The following ANAPC15 variants were observed in gnomAD, a reference collection of about 807,000 sequenced individuals.
ANAPC15 encodes the protein anaphase-promoting complex subunit 15.
A neutral mutation model predicts 19.8 loss-of-function variants in ANAPC15; 13 were observed. The observed-to-expected ratio is 0.66, with a 90% CI of 0.43 to 1.04. The LOEUF (loss-of-function observed/expected upper bound fraction) is 1.04, where lower values mean the gene tolerates loss of function less well. Ranked by LOEUF, ANAPC15 falls within the 50% of genes least tolerant of loss-of-function variation. The pLI, the probability that ANAPC15 is intolerant of heterozygous loss-of-function variation, is 0.00. For synonymous variants in ANAPC15, 45 were observed against 50.7 expected (o/e 0.89, Z 0.47); for missense variants, 88 against 150.3 (o/e 0.59, Z 2.17).
chr11:72,109,774 C>A lies in ANAPC15; in HGVS notation c.*107G>T. On this transcript the variant is annotated 3_prime_UTR_variant, in exon 6 of 6. Coordinates refer to ENST00000227618, the MANE Select transcript of ANAPC15 (RefSeq NM_014042.3). The stretch of plus-strand genomic sequence containing the variant: ...CTGAGGAGGTGCCCAAGGGCACTTT[C>A]AGGCACTGGGGCCATCAGCTGGTTC... 1 of 1,429,444 alleles carries A rather than the reference C, an allele frequency of 7.0e-7. No individual in the cohort carries two copies. Among genetic ancestry groups the A allele is most frequent in the Non-Finnish European group, 9.8e-7 (1 of 1,016,574 alleles). The allele number at this position is 1,429,444 out of a possible 1,614,324, so 88.5% of individuals were successfully genotyped here.
chr11:72,107,940 C>A, downstream of ANAPC15: 1 of 1,551,720 alleles, frequency 6.4e-7, no homozygotes, highest in Non-Finnish European at 8.7e-7. Context: ...CCTGATGCGG[C>A]TGGTGGAGGA....
At position 72,111,293 on chromosome 11, in the gene ANAPC15, GA is replaced by G; in HGVS notation, c.-10-8del. 6.3e-7 allele frequency: 1 copy of G among 1,583,532 alleles called. No homozygotes were observed. Among genetic ancestry groups the G allele is most frequent in the Non-Finnish European group, 8.7e-7 (1 of 1,153,496 alleles). On this transcript the variant is annotated splice_polypyrimidine_tract_variant and splice_region_variant and intron_variant, in intron 2 of 5. Coordinates refer to ENST00000227618, the MANE Select transcript of ANAPC15 (RefSeq NM_014042.3). ...AGTGGACATGGCTCCTAGACTGAGG[GA>G]AAGGGTCAAGTGAATGTGTTTTGCT...
chr11:72,109,864 C>T lies in ANAPC15; in HGVS notation c.*17G>A. 1 of 1,613,078 alleles carries T rather than the reference C, an allele frequency of 6.2e-7. No homozygotes were observed. The highest frequency in any genetic ancestry group is 8.5e-7 in the Non-Finnish European group (1 of 1,180,002). On this transcript the variant is annotated 3_prime_UTR_variant, in exon 6 of 6. Coordinates refer to ENST00000227618, the MANE Select transcript of ANAPC15 (RefSeq NM_014042.3). The stretch of plus-strand genomic sequence containing the variant: ...GGCTGGCCTGGAATCTCCCTGAGGC[C>T]ACCCTGCCTTGTCTACCTAGATCAT...
At chr11:72,108,844 C>A (rs747210285), downstream of ANAPC15, 14 of 1,550,548 alleles carry the variant, frequency 9.0e-6, no homozygotes, top group Admixed American at 7.8e-5. Flanking sequence ...GCTACCGCTG[C>A]CGCCTCCACC....
Position 72,111,415 on chromosome 11 carries a change from GC to G in ANAPC15, c.-15del. The stretch of plus-strand genomic sequence containing the variant: ...TCCCCCTAGGAATCAGACAGACCTG[GC>G]TTTGAGTCCTGGCTCCACCACTTAC... On this transcript the variant is annotated 5_prime_UTR_variant, in exon 2 of 6. Transcript: ENST00000227618. 1 of 704,466 alleles carries G rather than the reference GC, an allele frequency of 1.4e-6. No individual in the cohort carries two copies. The highest frequency in any genetic ancestry group is 2.5e-6 in the Non-Finnish European group (1 of 405,498). 43.6% of individuals were successfully genotyped at this position (704,466 alleles called of 1,614,324 possible).
chr11:72,108,825 G>T (rs1360253854), downstream of ANAPC15: 1 of 1,550,576 alleles, frequency 6.4e-7, no homozygotes, highest in South Asian at 1.2e-5. Context: ...TATGCTAAGA[G>T]CTGTGGCCGC....
At chr11:72,111,065 G>A in intron 3 of ANAPC15, 92 bp downstream of exon 3, 1 of 907,584 alleles carries the variant, frequency 1.1e-6, no homozygotes, top group South Asian at 1.5e-5. Flanking sequence ...GCTCTTCCTG[G>A]GTAGATTTCT....
downstream of ANAPC15, chr11:72,107,387 G>C (rs1409235923): frequency 2.9e-6 from 2 of 688,136 alleles, no homozygotes; most frequent in Non-Finnish European, 2.7e-6. Flanking sequence ...AAGATAGGGT[G>C]GTTGTTTCTG....
intron 4 of ANAPC15, 133 bp from the exon 5 acceptor site, chr11:72,110,358 C>G: frequency 6.4e-7 from 1 of 1,557,622 alleles, no homozygotes; most frequent in Non-Finnish European, 8.7e-7. Flanking sequence ...GTCTAGCAGG[C>G]TGGTGCATGT....
rs957062469 is a variant in ANAPC15, at chr11:72,111,429, C to T, written c.-28G>A. 3.1e-6 allele frequency: 2 copies of T among 636,634 alleles called. No individual in the cohort carries two copies. Among genetic ancestry groups the T allele is most frequent in the African/African-American group, 1.9e-5 (1 of 52,704 alleles). 39.4% of individuals were successfully genotyped at this position (636,634 alleles called of 1,614,324 possible). ...AGACAGACCTGGCTTTGAGTCCTGG[C>T]TCCACCACTTACTAGCTGTTTGACC... On this transcript the variant is annotated 5_prime_UTR_variant, in exon 2 of 6. Transcript: ENST00000227618.
downstream of ANAPC15, chr11:72,108,555 G>T: frequency 7.1e-7 from 1 of 1,416,558 alleles, no homozygotes; most frequent in South Asian, 1.5e-5. Context: ...GGTCTTGACT[G>T]GGAGAACAAT....
At position 72,111,139 on chromosome 11, in the gene ANAPC15, T is replaced by C. The variant is rs1331200141; in HGVS notation, c.120+18A>G. ...TGTCTGTGCTGAGGTCTCTGTGCTGTGCTAGCTGCTCACTCACCCAGGCCT... is the reference window on the plus strand; with the variant it reads ...TGTCTGTGCTGAGGTCTCTGTGCTGCGCTAGCTGCTCACTCACCCAGGCCT... On this transcript the variant is annotated intron_variant, in intron 3 of 5. Transcript: ENST00000227618. 1 of 1,372,100 alleles carries C rather than the reference T, an allele frequency of 7.3e-7. No individual in the cohort carries two copies. The highest frequency in any genetic ancestry group is 9.8e-7 in the Non-Finnish European group (1 of 1,020,960). 85.0% of individuals were successfully genotyped at this position (1,372,100 alleles called of 1,614,324 possible). A position where few individuals can be genotyped will look rare whatever the true frequency, so the allele number is the denominator to read the frequency against.
rs531848254 is a variant in ANAPC15, at chr11:72,110,110, G to A, written c.296C>T (p.Pro99Leu). The A allele has an allele frequency of 6.8e-5, 109 of 1,614,124 alleles. No individual in the cohort carries two copies. The highest frequency in any genetic ancestry group is 4.2e-4 in the Admixed American group (25 of 60,022). Reference sequence around the variant, plus strand: ...TACCTCATTGACCTCTCCATCATCCGGTGACTCATTGTAGTCATTCATCTC... The same window carrying A: ...TACCTCATTGACCTCTCCATCATCCAGTGACTCATTGTAGTCATTCATCTC... ...MDEMNDYNESPDDGEVNEVDM... is the reference protein window; with the variant it reads ...MDEMNDYNESLDDGEVNEVDM... The change falls in exon 5 of 6, where the codon CCG becomes CTG. Residue 99 changes from proline (P) to leucine (L), a missense_variant. Coordinates refer to ENST00000227618, the MANE Select transcript of ANAPC15 (RefSeq NM_014042.3).
Position 72,109,878 on chromosome 11 carries a change from T to C in ANAPC15, c.*3A>G, listed in dbSNP as rs769897536. ...CTCCCTGAGGCCACCCTGCCTTGTCTACCTAGATCATCCACTGGTCCTGAT... is the reference window on the plus strand; with the variant it reads ...CTCCCTGAGGCCACCCTGCCTTGTCCACCTAGATCATCCACTGGTCCTGAT... On this transcript the variant is annotated 3_prime_UTR_variant, in exon 6 of 6. Transcript: ENST00000227618. 1.2e-5 allele frequency: 20 copies of C among 1,613,532 alleles called. No individual in the cohort carries two copies. In the South Asian group the frequency reaches 1.6e-4, roughly 13 times the overall value.
At chr11:72,110,454 C>T in intron 4 of ANAPC15, 90 bp downstream of exon 4, 1 of 1,578,958 alleles carries the variant, frequency 6.3e-7, no homozygotes, top group Non-Finnish European at 8.7e-7. Context: ...ACCACAACTG[C>T]TCTGGGTCAG....
chr11:72,110,687 G>C (rs1360279522), intron 3 of ANAPC15, 84 bp from the exon 4 acceptor site: 2 of 1,482,892 alleles, frequency 1.3e-6, no homozygotes, highest in East Asian at 2.3e-5. Context: ...CTGCCCAGAA[G>C]ACAACCCACA....
rs1037399084 is a variant in ANAPC15, at chr11:72,109,730, G to C, written c.*151C>G. 5 of 917,326 alleles carry C rather than the reference G, an allele frequency of 5.5e-6. No individual in the cohort carries two copies. The African/African-American group carries it at 8.1e-5, about 15-fold the overall frequency. 56.8% of individuals were successfully genotyped at this position (917,326 alleles called of 1,614,324 possible). A position where few individuals can be genotyped will look rare whatever the true frequency, so the allele number is the denominator to read the frequency against. Reference sequence around the variant, plus strand: ...CTGATGGCCTGGGAGGGGCCAAAGAGACCAGATCCTGGCAGCAGCTGAGGA... The same window carrying C: ...CTGATGGCCTGGGAGGGGCCAAAGACACCAGATCCTGGCAGCAGCTGAGGA... On this transcript the variant is annotated 3_prime_UTR_variant, in exon 6 of 6. Transcript: ENST00000227618.
chr11:72,108,698 C>T (rs72953778), downstream of ANAPC15: 454 of 1,546,146 alleles, frequency 2.9e-4, 1 homozygote, highest in Non-Finnish European at 3.7e-4. Flanking sequence ...CCTGGCACAC[C>T]GGCCACGATG....
intron 4 of ANAPC15, 55 bp from the exon 5 acceptor site, chr11:72,110,280 G>GA (rs764832702): frequency 5.6e-6 from 9 of 1,607,276 alleles, no homozygotes; most frequent in African/African-American, 2.7e-5. Flanking sequence ...ACCAGTTCAA[G>GA]AACTGACCCA....
Sources: allele counts gnomAD v4.1 joint callset, GRCh38; gene constraint gnomAD v4.1.1; transcripts MANE v1.5; gene names NCBI Gene and HGNC (gene_info 2026-07-23, HGNC 2026-07-21).